The following USP24 variants were observed in gnomAD, a reference collection of about 807,000 sequenced individuals.
USP24 encodes ubiquitin specific peptidase 24.
USP24 carries 97 observed loss-of-function variants against 361.6 expected under a neutral mutation model. The observed-to-expected ratio is 0.27, with a 90% CI of 0.23 to 0.32. USP24 has a LOEUF of 0.32. USP24 is among the 10% of genes least tolerant of loss of function. The probability of loss-of-function intolerance (pLI) is 1.00; values close to 1 mark genes in which losing one functional copy is unlikely to be tolerated. For missense variants in USP24, 2,353 were observed against 3,165.6 expected, an observed-to-expected ratio of 0.74 and a Z score of 6.16; for synonymous variants, 1,098 against 1,124.6, an observed-to-expected ratio of 0.98 and a Z score of 0.47.
intron 1 of USP24, among the ~76,000 whole-genome samples, chr1:55,209,952 A>T (rs944662019): frequency 8.5e-5 from 13 of 152,216 alleles, no homozygotes; most frequent in African/African-American, 3.1e-4. Context: ...GTATATGGAC[A>T]TATTTTTCTA....
At chr1:55,112,128 C>T (rs1414863709) in intron 38 of USP24, among the ~76,000 whole-genome samples, 2 of 151,864 alleles carry the variant, frequency 1.3e-5, no homozygotes, top group Non-Finnish European at 2.9e-5. Flanking sequence ...ATACAACTTG[C>T]CAAAAATTAT....
chr1:55,182,955 G>C (rs1644018832), intron 1 of USP24, among the ~76,000 whole-genome samples: 1 of 152,146 alleles, frequency 6.6e-6, no homozygotes, highest in Non-Finnish European at 1.5e-5. Flanking sequence ...CTGACCGCAA[G>C]TGATCTGCCC....
chr1:55,087,267 G>C (rs1645272255), intron 55 of USP24, among the ~76,000 whole-genome samples: 1 of 152,142 alleles, frequency 6.6e-6, no homozygotes, highest in South Asian at 2.1e-4. Context: ...TATAAAGAAA[G>C]AAACAAACTA....
chr1:55,125,426 G>A lies in USP24; in HGVS notation c.3854C>T (p.Ser1285Phe). The change falls in exon 34 of 68, where the codon TCC becomes TTC. Residue 1285 changes from serine (S) to phenylalanine (F), a missense_variant. By Grantham distance (155) the Ser-to-Phe change is radical. Around this residue, in one of 8 missense-constraint regions of USP24, gnomAD observed 949 missense variants for 1,280.5 expected, o/e 0.74. Transcript: ENST00000294383. ...TGACTTTTCTGGGGTACCACATAAG[G>A]ACATCTGTCTGCTTGTCTGCCGGCT... ...NVSRQTSRQM[S>F]LCGTPEKSSY... is the part of the protein sequence containing the mutation. 6.2e-7 allele frequency: 1 copy of A among 1,613,960 alleles called. No homozygotes were observed. The highest frequency in any genetic ancestry group is 8.5e-7 in the Non-Finnish European group (1 of 1,179,882).
intron 36 of USP24, 91 bp downstream of exon 36, chr1:55,123,356 G>A (rs1646336990): frequency 7.3e-7 from 1 of 1,371,248 alleles, no homozygotes; most frequent in African/African-American, 1.5e-5. Flanking sequence ...TTGACCAATG[G>A]GACCTTATCT....
At chr1:55,154,897 G>A (rs745581083) in intron 12 of USP24, 119 bp from the exon 13 acceptor site, 15 of 670,728 alleles carry the variant, frequency 2.2e-5, no homozygotes, top group Non-Finnish European at 3.6e-5. Flanking sequence ...TGACTCTAGT[G>A]TAATCAGCAT....
chr1:55,123,836 C>A (rs537589145), intron 35 of USP24, among the ~76,000 whole-genome samples: 1 of 152,046 alleles, frequency 6.6e-6, no homozygotes, highest in African/African-American at 2.4e-5. Flanking sequence ...TAATTTCAGG[C>A]GATAGAAGTG....
intron 63 of USP24, among the ~76,000 whole-genome samples, chr1:55,074,107 T>TAAAA (rs34911935): frequency 8.1e-6 from 1 of 123,486 alleles, no homozygotes; most frequent in Non-Finnish European, 1.7e-5. Context: ...TAAGTATGTT[T>TAAAA]AAAAAAAAAA....
At chr1:55,141,158 C>CGAAGA (rs1462191049) in intron 24 of USP24, among the ~76,000 whole-genome samples, 1 of 151,348 alleles carries the variant, frequency 6.6e-6, no homozygotes, top group Non-Finnish European at 1.5e-5. Context: ...TTTAATTAAT[C>CGAAGA]ATCTTCTACT....
rs376756525 is a variant in USP24, at chr1:55,138,892, C to T, written c.2817+52G>A. Reference sequence around the variant, plus strand: ...GCTAGAAAGGCTGAGGTGGGAAGATCGCTTGAGTCCAGCCTAAGCAACATA... The same window carrying T: ...GCTAGAAAGGCTGAGGTGGGAAGATTGCTTGAGTCCAGCCTAAGCAACATA... On this transcript the variant is annotated intron_variant, in intron 25 of 67. Transcript: ENST00000294383. 132 of 1,560,944 alleles carry T rather than the reference C, an allele frequency of 8.5e-5. No individual in the cohort carries two copies. The African/African-American group carries it at 1.1e-3, about 14-fold the overall frequency.
In USP24 at chr1:55,123,418, G is replaced by A. The variant is rs768706216; in HGVS notation, c.4276+29C>T. 9.8e-6 allele frequency: 15 copies of A among 1,523,678 alleles called. No homozygotes were observed. In the Admixed American group the frequency reaches 2.9e-4, roughly 29 times the overall value. 94.4% of individuals were successfully genotyped at this position (1,523,678 alleles called of 1,614,324 possible). On this transcript the variant is annotated intron_variant, in intron 36 of 67. Coordinates refer to ENST00000294383, the MANE Select transcript of USP24 (RefSeq NM_015306.3). ...AGAAACTTGGCCTTTCCCTGAAAGA[G>A]ATTAATCACAAACAAGCCTCCAGCA...
chr1:55,094,228 T>G (rs1178887502), intron 51 of USP24, 141 bp from the exon 52 acceptor site: 5 of 789,718 alleles, frequency 6.3e-6, no homozygotes, highest in Non-Finnish European at 9.5e-6. Flanking sequence ...CTGTACCACA[T>G]AAATATATAC....
intron 5 of USP24, 63 bp downstream of exon 5, chr1:55,171,493 G>T: frequency 6.6e-7 from 1 of 1,520,640 alleles, no homozygotes; most frequent in Non-Finnish European, 8.9e-7. Flanking sequence ...CTTTTTTATA[G>T]CACAGAAAAT....
chr1:55,101,057 T>G (rs1645621961), intron 43 of USP24, 93 bp from the exon 44 acceptor site: 2 of 1,408,998 alleles, frequency 1.4e-6, no homozygotes, highest in Non-Finnish European at 1.9e-6. Flanking sequence ...ACATTGCTTT[T>G]TTAGAATGTT....
At chr1:55,093,861 G>A in intron 52 of USP24, 76 bp downstream of exon 52, 2 of 1,568,586 alleles carry the variant, frequency 1.3e-6, no homozygotes, top group Non-Finnish European at 1.7e-6. Context: ...TCCAGCAGAA[G>A]TACTTCTGGA....
Position 55,159,682 on chromosome 1 carries a change from T to G in USP24, c.997A>C (p.Met333Leu), listed in dbSNP as rs1214503766. ...EYLNSSVVQP[M>L]LDPVILTTIQ... ...GTAGTAAGAATGACTGGGTCTAGCA[T>G]GGGCTGTAGAAATAAAATGCTACAG... Residue 333 changes from methionine to leucine, a missense_variant, in exon 9 of 68, where the codon ATG becomes CTG. By Grantham distance (15) the Met-to-Leu change is conservative (BLOSUM62 2). Transcript: ENST00000294383. 5 of 1,556,170 alleles carry G rather than the reference T, an allele frequency of 3.2e-6. No homozygotes were observed. In the Admixed American group the frequency reaches 9.7e-5, roughly 30 times the overall value.
chr1:55,121,417 T>C lies in USP24; in HGVS notation c.4347+19A>G. ...AACAGGACCAAAGGAGTTTTGTAAGTAATGTGAAAAATCCTTACCTCAGCA... is the reference window on the plus strand; with the variant it reads ...AACAGGACCAAAGGAGTTTTGTAAGCAATGTGAAAAATCCTTACCTCAGCA... On this transcript the variant is annotated intron_variant, in intron 37 of 67. Transcript: ENST00000294383. The C allele has an allele frequency of 1.2e-6, 2 of 1,608,400 alleles. No homozygotes were observed. Among genetic ancestry groups the C allele is most frequent in the Non-Finnish European group, 8.5e-7 (1 of 1,176,938 alleles).
chr1:55,129,313 T>C (rs1646526621), intron 32 of USP24, among the ~76,000 whole-genome samples, 164 bp downstream of exon 32: 1 of 152,226 alleles, frequency 6.6e-6, no homozygotes, highest in African/African-American at 2.4e-5. Flanking sequence ...TATAAAATGA[T>C]TTAAAATATT....
chr1:55,075,128 T>C (rs899074298), intron 63 of USP24, among the ~76,000 whole-genome samples: 7 of 152,262 alleles, frequency 4.6e-5, no homozygotes, highest in African/African-American at 1.7e-4. Context: ...CCCCAGTGGC[T>C]ACAGAGTAGA....
Sources: allele counts gnomAD v4.1 joint callset (sites outside exome capture counted in the v4.1 genomes callset), GRCh38; gene constraint gnomAD v4.1.1; regional missense constraint gnomAD v4.1.1; transcripts MANE v1.5; gene names NCBI Gene and HGNC (gene_info 2026-07-23, HGNC 2026-07-21).